SCAF4: variants seen among roughly 807,000 people sequenced by gnomAD.
The protein encoded by SCAF4 is SR-related and CTD-associated factor 4.
A neutral mutation model predicts 129.8 loss-of-function variants in SCAF4; 25 were observed. The observed-to-expected ratio is 0.19, with a 90% confidence interval of 0.14 to 0.27. The LOEUF (loss-of-function observed/expected upper bound fraction) is 0.27, where lower values mean the gene tolerates loss of function less well. Ranked by LOEUF, SCAF4 falls within the 10% of genes least tolerant of loss-of-function variation. The pLI, the probability that SCAF4 is intolerant of heterozygous loss-of-function variation, is 1.00. For synonymous variants in SCAF4, 551 were observed against 497.7 expected, an observed-to-expected ratio of 1.11 and a Z score of -1.43; for missense variants, 1,246 against 1,457.1, an observed-to-expected ratio of 0.86 and a Z score of 2.36.
intron 1 of SCAF4, among the ~76,000 whole-genome samples, chr21:31,719,290 C>G (rs1337087194): frequency 7.0e-6 from 1 of 143,452 alleles, no homozygotes; most frequent in South Asian, 2.2e-4. Flanking sequence ...AACTCTGTCC[C>G]AAAAAAAAAC....
intron 1 of SCAF4, among the ~76,000 whole-genome samples, chr21:31,715,239 T>C (rs1190101784): frequency 3.3e-5 from 5 of 152,116 alleles, no homozygotes; most frequent in Non-Finnish European, 7.4e-5. Context: ...GCCAGCAGTA[T>C]AGCATCTTCT....
intron 1 of SCAF4, chr21:31,706,851 A>C (rs1167140407): frequency 1.2e-5 from 3 of 248,840 alleles, no homozygotes; most frequent in Admixed American, 4.4e-5. Context: ...AAGCCAGAGA[A>C]AGAAGCCAAG....
rs147226733 is a variant in SCAF4, at chr21:31,691,822, T to C, written c.1723A>G (p.Ile575Val). The C allele has an allele frequency of 1.9e-4, 302 of 1,568,672 alleles. No individual in the cohort carries two copies. Among genetic ancestry groups the C allele is most frequent in the Middle Eastern group, 7.2e-4 (4 of 5,526 alleles). Residue 575 changes from isoleucine to valine, a missense_variant, in exon 14 of 20, where the codon ATA (isoleucine) becomes GTA (valine). Ile to Val is a conservative substitution (Grantham distance 29, BLOSUM62 3). Transcript: ENST00000286835. The stretch of plus-strand genomic sequence containing the variant: ...TATAACATGTAAGACTGTACCTTTA[T>C]GGATTTCTGGTTCACTTTATAGTTT... ...RGNYKVNQKS[I>V]KIAWALNKGI... is the part of the protein sequence containing the mutation.
intron 1 of SCAF4, among the ~76,000 whole-genome samples, chr21:31,710,507 C>A (rs1390171953): frequency 1.3e-5 from 2 of 152,148 alleles, no homozygotes; most frequent in South Asian, 4.1e-4. Context: ...CGAGATGGTG[C>A]CACTACACTC....
chr21:31,671,822 A>G lies in SCAF4; in HGVS notation c.3021T>C (p.Asn1007=), dbSNP rs916417349. The change falls in exon 20 of 20, where the codon AAT becomes AAC. Residue 1007 remains asparagine (N), a synonymous_variant. Transcript: ENST00000286835. Reference sequence around the variant, plus strand: ...ACCGTTCCCGGTCATTTTCCACCCTATTTCCAAAAGATCTTCTTCCAAACC... The same window carrying G: ...ACCGTTCCCGGTCATTTTCCACCCTGTTTCCAAAAGATCTTCTTCCAAACC... ...QERFGRRSFG[N]RVENDRERYG... is the part of the protein sequence containing the mutation. The G allele has an allele frequency of 1.2e-6, 2 of 1,613,930 alleles. No homozygotes were observed. Among genetic ancestry groups the G allele is most frequent in the South Asian group, 1.1e-5 (1 of 91,060 alleles).
intron 1 of SCAF4, 102 bp downstream of exon 1, chr21:31,731,561 G>T: frequency 7.3e-7 from 1 of 1,365,630 alleles, no homozygotes; most frequent in Non-Finnish European, 1.0e-6. Flanking sequence ...GGGGCAGGAA[G>T]CGTCCCCACC....
Position 31,672,054 on chromosome 21 carries a change from C to G in SCAF4, c.2789G>C (p.Gly930Ala). The change falls in exon 20 of 20, where the codon GGC (glycine) becomes GCC (alanine). Residue 930 changes from glycine to alanine, a missense_variant. Gly to Ala is a moderately conservative substitution (Grantham distance 60). Coordinates refer to ENST00000286835, the MANE Select transcript of SCAF4 (RefSeq NM_020706.2). Reference protein sequence around the residue: ...GMPGLGGPGPGPGGPEDRDGR... With the variant: ...GMPGLGGPGPAPGGPEDRDGR... Reference sequence around the variant, plus strand: ...GTCTCTGTCTTCAGGACCCCCTGGGCCTGGCCCTGGGCCCCCGAGCCCTGG... The same window carrying G: ...GTCTCTGTCTTCAGGACCCCCTGGGGCTGGCCCTGGGCCCCCGAGCCCTGG... The G allele has an allele frequency of 6.2e-7, 1 of 1,613,356 alleles. No homozygotes were observed. Among genetic ancestry groups the G allele is most frequent in the South Asian group, 1.1e-5 (1 of 91,068 alleles).
chr21:31,684,447 T>C (rs2050066764), intron 19 of SCAF4: 1 of 152,724 alleles, frequency 6.5e-6, no homozygotes, highest in Non-Finnish European at 1.5e-5. Flanking sequence ...GTATTGAAGT[T>C]GTGGGTAAAA....
chr21:31,731,017 A>C (rs79943896), intron 1 of SCAF4, among the ~76,000 whole-genome samples: 51 of 152,354 alleles, frequency 3.3e-4, no homozygotes, highest in African/African-American at 1.0e-3. Context: ...CATAGAGCCT[A>C]TAAGAGGGTT....
chr21:31,727,324 C>T (rs753261937), intron 1 of SCAF4, among the ~76,000 whole-genome samples: 7 of 152,114 alleles, frequency 4.6e-5, no homozygotes, highest in African/African-American at 9.7e-5. Flanking sequence ...ATGATTCACC[C>T]GCCTTGGGCT....
chr21:31,679,339 G>T (rs184111892), intron 19 of SCAF4, among the ~76,000 whole-genome samples: 3 of 139,038 alleles, frequency 2.2e-5, no homozygotes, highest in East Asian at 2.0e-4. Context: ...ATATCCCTAG[G>T]TTTTTTTTTT....
At chr21:31,687,252 T>G (rs935709666) in intron 16 of SCAF4, among the ~76,000 whole-genome samples, 2 of 152,236 alleles carry the variant, frequency 1.3e-5, no homozygotes, top group Non-Finnish European at 2.9e-5. Flanking sequence ...CTTATAATTT[T>G]CAAAGGGTTT....
At chr21:31,708,389 AAAAG>A (rs2050720344) in intron 1 of SCAF4, among the ~76,000 whole-genome samples, 1 of 149,990 alleles carries the variant, frequency 6.7e-6, no homozygotes, top group African/African-American at 2.5e-5. Flanking sequence ...TTAAAAAAAA[AAAAG>A]AAAAGAAAAG....
Position 31,671,846 on chromosome 21 carries a change from C to T in SCAF4, c.2997G>A (p.Arg999=). ...TATTTCCAAAAGATCTTCTTCCAAA[C>T]CTTTCTTGGTCTCTACCTGAATTGA... ...QQFNSGRDQE[R]FGRRSFGNRV... is the part of the protein sequence containing the mutation. The change falls in exon 20 of 20, where the codon AGG becomes AGA. Residue 999 remains arginine, a synonymous_variant. Transcript: ENST00000286835. 1.2e-6 allele frequency: 2 copies of T among 1,614,206 alleles called. No individual in the cohort carries two copies. Among genetic ancestry groups the T allele is most frequent in the Non-Finnish European group, 1.7e-6 (2 of 1,180,040 alleles).
At chr21:31,690,682 G>A (rs1601204780) in intron 15 of SCAF4, 115 bp downstream of exon 15, 3 of 833,462 alleles carry the variant, frequency 3.6e-6, no homozygotes, top group Non-Finnish European at 5.7e-6. Flanking sequence ...GACACAGGAG[G>A]GATCCTAAAA....
At chr21:31,702,173 C>T in intron 5 of SCAF4, 71 bp downstream of exon 5, 4 of 1,593,222 alleles carry the variant, frequency 2.5e-6, no homozygotes, top group Non-Finnish European at 3.4e-6. Flanking sequence ...CTTCAATACA[C>T]ATAAACTCTG....
chr21:31,706,298 A>C lies in SCAF4; in HGVS notation c.90T>G (p.Thr30=). ...PISRAKMILI[T]KAAIKAIKLY... ...CCTTAATAGCTTTAATAGCAGCTTT[A>C]GTGATGAGAATCATCTTGGCTCTAG... The change falls in exon 2 of 20, where the codon ACT becomes ACG. Residue 30 remains threonine, a synonymous_variant. Coordinates refer to ENST00000286835, the MANE Select transcript of SCAF4 (RefSeq NM_020706.2). 1.2e-6 allele frequency: 2 copies of C among 1,604,586 alleles called. No individual in the cohort carries two copies. Among genetic ancestry groups the C allele is most frequent in the Non-Finnish European group, 1.7e-6 (2 of 1,172,702 alleles).
intron 1 of SCAF4, among the ~76,000 whole-genome samples, chr21:31,724,728 A>T (rs901950041): frequency 6.6e-6 from 1 of 151,848 alleles, no homozygotes; most frequent in Non-Finnish European, 1.5e-5. Context: ...TAAAGAAAAC[A>T]AACAAAAAAA....
intron 7 of SCAF4, 22 bp from the exon 8 acceptor site, chr21:31,696,772 T>C: frequency 6.3e-7 from 1 of 1,581,742 alleles, no homozygotes. Flanking sequence ...ATGTCAATAT[T>C]TCATTTTAAA....
Sources: allele counts gnomAD v4.1 joint callset (sites outside exome capture counted in the v4.1 genomes callset), GRCh38; gene constraint gnomAD v4.1.1; transcripts MANE v1.5; gene names NCBI Gene and HGNC (gene_info 2026-07-23, HGNC 2026-07-21).